Variants in SLC25A17 observed in about 807,000 individuals in gnomAD.
The protein encoded by SLC25A17 is solute carrier family 25 member 17.
A neutral mutation model predicts 38.5 loss-of-function variants in SLC25A17; 26 were observed. The observed-to-expected ratio is 0.68, with a 90% CI of 0.50 to 0.94. SLC25A17 has a LOEUF of 0.94. Among genes scored for constraint, SLC25A17 ranks in the 40% least tolerant of loss-of-function variants. The pLI, the probability that SLC25A17 is intolerant of heterozygous loss-of-function variation, is 0.00. For missense variants in SLC25A17, 333 were observed against 372.7 expected, an observed-to-expected ratio of 0.89 and a Z score of 0.88; for synonymous variants, 139 against 136.2, an observed-to-expected ratio of 1.02 and a Z score of -0.14.
At chr22:40,819,042 C>T (rs1182721970) in intron 1 of SLC25A17, among the ~76,000 whole-genome samples, 153 bp downstream of exon 1, 4 of 152,168 alleles carry the variant, frequency 2.6e-5, no homozygotes, top group Admixed American at 1.3e-4. Context: ...CAACTTTCCG[C>T]CAATGGCCCA....
At chr22:40,774,258 C>T in intron 7 of SLC25A17, among the ~76,000 whole-genome samples, 1 of 149,086 alleles carries the variant, frequency 6.7e-6, no homozygotes, top group Non-Finnish European at 1.5e-5. Context: ...TCTTCTCACT[C>T]TGTCACCCAG....
chr22:40,772,017 TA>T (rs897386642), intron 8 of SLC25A17, among the ~76,000 whole-genome samples: 178 of 139,890 alleles, frequency 1.3e-3, no homozygotes, highest in East Asian at 3.5e-3. Flanking sequence ...ATTAAAAAAT[TA>T]AAAAAAAAAA....
intron 7 of SLC25A17, chr22:40,776,373 G>A: frequency 2.2e-6 from 1 of 448,916 alleles, no homozygotes; most frequent in Admixed American, 2.6e-5. Context: ...CATTCCTCCT[G>A]AGTGAACTAA....
At chr22:40,813,831 TTAG>T (rs1414716285) in intron 1 of SLC25A17, 1 of 152,458 alleles carries the variant, frequency 6.6e-6, no homozygotes, top group Non-Finnish European at 1.5e-5. Context: ...ATAGTATCTG[TTAG>T]TAGTAGAAAC....
chr22:40,816,551 A>G (rs887057643), intron 1 of SLC25A17, among the ~76,000 whole-genome samples: 3 of 151,384 alleles, frequency 2.0e-5, no homozygotes, highest in African/African-American at 7.3e-5. Flanking sequence ...CTTTTATAGC[A>G]CTTAACTGTA....
chr22:40,800,451 T>A (rs1050270195), intron 1 of SLC25A17, among the ~76,000 whole-genome samples: 1 of 152,186 alleles, frequency 6.6e-6, no homozygotes, highest in Non-Finnish European at 1.5e-5. Context: ...TAGGCTCCAG[T>A]GCAGTGGCGA....
Position 40,814,754 on chromosome 22 carries a change from A to AATATATATAT in SLC25A17, c.54+4431_54+4440dup, listed in dbSNP as rs10527651. On this transcript the variant is annotated intron_variant, in intron 1 of 8. Coordinates refer to ENST00000435456, the MANE Select transcript of SLC25A17 (RefSeq NM_006358.4). ...GGATGAGGAAAGGCAGTACGTGCAG[A>AATATATATAT]ATATATATATATATATATATATATA... 6.7e-3 allele frequency among the ~76,000 whole-genome samples: 903 copies of AATATATATAT among 134,864 alleles called. 4 individuals are homozygous for AATATATATAT. The highest frequency in any genetic ancestry group is 0.011 in the Middle Eastern group (3 of 264). The allele number at this position is 134,864 out of a possible 152,430, so 88.5% of individuals were successfully genotyped here. A position where few individuals can be genotyped will look rare whatever the true frequency, so the allele number is the denominator to read the frequency against.
intron 4 of SLC25A17, among the ~76,000 whole-genome samples, chr22:40,784,950 G>C (rs191189241): frequency 1.2e-4 from 19 of 152,240 alleles, no homozygotes; most frequent in African/African-American, 4.3e-4. Flanking sequence ...TAATCTGGCT[G>C]TTTCTGTACC....
At chr22:40,793,622 T>C (rs1334745957) in intron 3 of SLC25A17, among the ~76,000 whole-genome samples, 1 of 152,166 alleles carries the variant, frequency 6.6e-6, no homozygotes, top group Non-Finnish European at 1.5e-5. Context: ...TATTTTCTTT[T>C]TTTTTTTGAA....
chr22:40,779,370 C>G, intron 4 of SLC25A17: 1 of 995,568 alleles, frequency 1.0e-6, no homozygotes, highest in Non-Finnish European at 1.4e-6. Context: ...GCAATAAGTT[C>G]CCTCATTTGT....
intron 4 of SLC25A17, among the ~76,000 whole-genome samples, chr22:40,790,131 G>A (rs889273589): frequency 1.3e-5 from 2 of 151,686 alleles, no homozygotes; most frequent in African/African-American, 4.8e-5. Context: ...CCTGAGGTCA[G>A]GAGTTTGAGA....
chr22:40,803,328 C>A (rs2057500307), intron 1 of SLC25A17, among the ~76,000 whole-genome samples: 1 of 152,122 alleles, frequency 6.6e-6, no homozygotes, highest in Admixed American at 6.5e-5. Flanking sequence ...CATCTCTAGC[C>A]CCTGGTAACC....
chr22:40,800,201 A>G (rs899857447), intron 1 of SLC25A17, among the ~76,000 whole-genome samples: 1 of 152,188 alleles, frequency 6.6e-6, no homozygotes, highest in African/African-American at 2.4e-5. Flanking sequence ...AAAACAAGCA[A>G]ACAACAAGTT....
intron 4 of SLC25A17, 62 bp from the exon 5 acceptor site, chr22:40,779,187 C>G (rs186666670): frequency 6.2e-7 from 1 of 1,612,300 alleles, no homozygotes; most frequent in Non-Finnish European, 8.5e-7. Context: ...AGCTTTGCTG[C>G]TTTAAAGCTA....
chr22:40,773,113 T>A (rs1443085708), intron 8 of SLC25A17, among the ~76,000 whole-genome samples: 1 of 152,218 alleles, frequency 6.6e-6, no homozygotes, highest in African/African-American at 2.4e-5. Context: ...ACAGAGCTAC[T>A]GTTAGGATTG....
rs190262158 is a variant in SLC25A17, at chr22:40,788,597, A to G, written c.334+3928T>C. Among the ~76,000 whole-genome samples the G allele has an allele frequency of 5.5e-3, 844 of 152,312 alleles. 5 individuals are homozygous for G. Among genetic ancestry groups the G allele is most frequent in the South Asian group, 0.018 (89 of 4,828 alleles). On this transcript the variant is annotated intron_variant, in intron 4 of 8. Transcript: ENST00000435456. ...TTCCAGCTACTCAGGAGGCTGAGGC[A>G]GCAGAATCACTTGAACCTGGGAGGC...
chr22:40,782,657 A>C (rs964447748), intron 4 of SLC25A17, among the ~76,000 whole-genome samples: 1 of 152,242 alleles, frequency 6.6e-6, no homozygotes, highest in Admixed American at 6.5e-5. Flanking sequence ...AAAGGCACAA[A>C]TCTAACAAAT....
At chr22:40,814,805 TTG>T (rs1334573276) in intron 1 of SLC25A17, among the ~76,000 whole-genome samples, 1 of 146,156 alleles carries the variant, frequency 6.8e-6, no homozygotes, top group Admixed American at 6.8e-5. Flanking sequence ...GTTGTTGTTG[TTG>T]TTTTGTTTTG....
rs1485297383 is a variant in SLC25A17, at chr22:40,774,484, G to A, written c.694-465C>T. Among the ~76,000 whole-genome samples the A allele has an allele frequency of 2.6e-5, 4 of 152,214 alleles. No homozygotes were observed. In the East Asian group the frequency reaches 5.8e-4, roughly 22 times the overall value. The stretch of plus-strand genomic sequence containing the variant: ...AATGATCCACCCACCTCGGCCTCCC[G>A]AAGTTCTGGGATTACAGGCATGAGC... On this transcript the variant is annotated intron_variant, in intron 7 of 8. Coordinates refer to ENST00000435456, the MANE Select transcript of SLC25A17 (RefSeq NM_006358.4).
Sources: allele counts gnomAD v4.1 joint callset (sites outside exome capture counted in the v4.1 genomes callset), GRCh38; gene constraint gnomAD v4.1.1; transcripts MANE v1.5; gene names NCBI Gene and HGNC (gene_info 2026-07-23, HGNC 2026-07-21).